Variants in PPARGC1A observed in about 807,000 individuals in gnomAD.
PPARGC1A encodes PPARG coactivator 1 alpha.
Under a neutral mutation model 88.7 loss-of-function variants are expected in PPARGC1A, and 25 were observed. The observed-to-expected ratio is 0.28, with a 90% CI of 0.21 to 0.39. The LOEUF (loss-of-function observed/expected upper bound fraction) is 0.39, where lower values mean the gene tolerates loss of function less well. PPARGC1A is among the 10% of genes least tolerant of loss of function. The pLI is 1.00. For synonymous variants in PPARGC1A, 363 were observed against 355.6 expected, an observed-to-expected ratio of 1.02 and a Z score of -0.24; for missense variants, 880 against 968.7, an observed-to-expected ratio of 0.91 and a Z score of 1.22.
chr4:24,072,587 A>T, the PPARGC1A span, among the ~76,000 whole-genome samples: 1 of 152,140 alleles, frequency 6.6e-6, no homozygotes, highest in Non-Finnish European at 1.5e-5. Flanking sequence ...CTCCAAGATC[A>T]ACAACCCCCC....
At chr4:23,818,009 T>A (rs529638967) in intron 7 of PPARGC1A, among the ~76,000 whole-genome samples, 4 of 152,140 alleles carry the variant, frequency 2.6e-5, no homozygotes, top group African/African-American at 7.2e-5. Context: ...TACCCACAAC[T>A]TTCCCCCCTG....
chr4:24,019,809 A>C, the PPARGC1A span, among the ~76,000 whole-genome samples: 1 of 152,194 alleles, frequency 6.6e-6, no homozygotes, highest in African/African-American at 2.4e-5. Context: ...AAACCTCTTA[A>C]ACCTTTGCTC....
At chr4:23,833,205 T>C (rs1226668197) in intron 2 of PPARGC1A, among the ~76,000 whole-genome samples, 3 of 152,220 alleles carry the variant, frequency 2.0e-5, no homozygotes, top group East Asian at 3.9e-4. Context: ...CTTCCAAACA[T>C]GTACCTTGTT....
intron 12 of PPARGC1A, 48 bp from the exon 13 acceptor site, chr4:23,795,973 A>G (rs922420075): frequency 3.2e-6 from 4 of 1,260,114 alleles, no homozygotes; most frequent in Admixed American, 3.6e-5. Context: ...GCTGATGGCC[A>G]TTAACTCAAT....
the PPARGC1A span, among the ~76,000 whole-genome samples, chr4:24,155,918 T>C: frequency 6.6e-6 from 1 of 152,178 alleles, no homozygotes; most frequent in Non-Finnish European, 1.5e-5. Context: ...ATCTCTATAA[T>C]TGGGGGTGGG....
At chr4:24,134,258 A>G in the PPARGC1A span, among the ~76,000 whole-genome samples, 4 of 152,228 alleles carry the variant, frequency 2.6e-5, no homozygotes, top group Non-Finnish European at 4.4e-5. Context: ...GATTGATCCC[A>G]CTATGCATCT....
At position 23,833,857 on chromosome 4, in the gene PPARGC1A, T is replaced by G. The variant is rs999311903; in HGVS notation, c.235-2106A>C. ...TTGAGTTTGGGTGCAACATGGTGTG[T>G]CTGAAGTTTAAAACTTTAATGCACT... On this transcript the variant is annotated intron_variant, in intron 2 of 12. Coordinates refer to ENST00000264867, the MANE Select transcript of PPARGC1A (RefSeq NM_013261.5). 3.3e-5 allele frequency among the ~76,000 whole-genome samples: 5 copies of G among 152,186 alleles called. No individual in the cohort carries two copies. In the South Asian group the frequency reaches 1.0e-3, roughly 32 times the overall value.
At chr4:24,196,970 T>C in the PPARGC1A span, among the ~76,000 whole-genome samples, 1 of 152,222 alleles carries the variant, frequency 6.6e-6, no homozygotes, top group Non-Finnish European at 1.5e-5. Context: ...TGTGTTTGAA[T>C]GTCATGCTTG....
intron 5 of PPARGC1A, among the ~76,000 whole-genome samples, chr4:23,826,963 G>GGTGAGGA: frequency 6.6e-6 from 1 of 152,230 alleles, no homozygotes; most frequent in South Asian, 2.1e-4. Context: ...ACCAGCACAG[G>GGTGAGGA]GTGAGGAGTA....
At chr4:24,437,624 GTTGTTGT>G in the PPARGC1A span, among the ~76,000 whole-genome samples, 1 of 148,052 alleles carries the variant, frequency 6.8e-6, no homozygotes, top group Non-Finnish European at 1.5e-5. Context: ...TGTTGTTGTT[GTTGTTGT>G]TGTTGTTTTA....
the PPARGC1A span, among the ~76,000 whole-genome samples, chr4:24,469,102 G>A: frequency 1.3e-5 from 2 of 152,176 alleles, no homozygotes; most frequent in Non-Finnish European, 2.9e-5. Flanking sequence ...AGGAAACGCA[G>A]GATATGTAAG....
the PPARGC1A span, among the ~76,000 whole-genome samples, chr4:24,307,296 C>A: frequency 1.3e-5 from 2 of 152,120 alleles, no homozygotes; most frequent in East Asian, 1.9e-4. Context: ...CCCCAAGTGA[C>A]CCTTGGAATA....
the PPARGC1A span, among the ~76,000 whole-genome samples, chr4:24,196,845 A>T: frequency 2.0e-5 from 3 of 152,224 alleles, no homozygotes; most frequent in Non-Finnish European, 4.4e-5. Flanking sequence ...GTGAGGAAGG[A>T]TTTATCCTAC....
chr4:24,023,505 T>C, the PPARGC1A span, among the ~76,000 whole-genome samples: 1 of 152,218 alleles, frequency 6.6e-6, no homozygotes, highest in South Asian at 2.1e-4. Context: ...CTCCTGTCTG[T>C]GCACTGCAGA....
intron 2 of PPARGC1A, chr4:23,883,998 C>T (rs982711669): frequency 6.6e-6 from 1 of 152,090 alleles, no homozygotes; most frequent in Non-Finnish European, 1.5e-5. Flanking sequence ...ATTCACTTGC[C>T]AGAGTACTCA....
chr4:24,419,645 C>G, the PPARGC1A span, among the ~76,000 whole-genome samples: 2 of 151,824 alleles, frequency 1.3e-5, no homozygotes, highest in Non-Finnish European at 2.9e-5. Context: ...GGGGCGCACT[C>G]ATTCTCAGTC....
chr4:24,057,643 T>C, the PPARGC1A span, among the ~76,000 whole-genome samples: 2 of 152,174 alleles, frequency 1.3e-5, no homozygotes, highest in African/African-American at 4.8e-5. Context: ...TGATGTGCTA[T>C]TAACACCACG....
the PPARGC1A span, among the ~76,000 whole-genome samples, chr4:24,163,967 C>G: frequency 6.6e-6 from 1 of 152,130 alleles, no homozygotes; most frequent in South Asian, 2.1e-4. Context: ...CTTCCACTGC[C>G]CTGCTTTCTC....
At chr4:23,843,966 A>T (rs1480131846) in intron 2 of PPARGC1A, among the ~76,000 whole-genome samples, 1 of 151,930 alleles carries the variant, frequency 6.6e-6, no homozygotes, top group African/African-American at 2.4e-5. Flanking sequence ...TTACACATAC[A>T]TATTACAGAT....
Sources: gnomAD v4.1 joint callset for allele counts (sites outside exome capture counted in the v4.1 genomes callset) on GRCh38, gnomAD v4.1.1 for gene constraint, MANE v1.5 for transcripts, NCBI Gene and HGNC (gene_info 2026-07-23, HGNC 2026-07-21) for gene names.